PCGF3: variants seen among roughly 807,000 people sequenced by gnomAD.
PCGF3 encodes polycomb group RING finger protein 3.
In PCGF3, 7 loss-of-function variants were observed where a neutral mutation model predicts 33.1. The observed-to-expected ratio is 0.21, with a 90% CI of 0.12 to 0.40. PCGF3 has a LOEUF of 0.40. PCGF3 is among the 10% of genes least tolerant of loss of function. The probability of loss-of-function intolerance (pLI) is 1.00; values close to 1 mark genes in which losing one functional copy is unlikely to be tolerated. For synonymous variants in PCGF3, 153 were observed against 121.3 expected, an observed-to-expected ratio of 1.26 and a Z score of -1.72; for missense variants, 211 against 313.3, an observed-to-expected ratio of 0.67 and a Z score of 2.46.
intron 8 of PCGF3, among the ~76,000 whole-genome samples, chr4:756,138 C>T (rs192887279): frequency 2.5e-4 from 38 of 151,444 alleles, no homozygotes; most frequent in African/African-American, 8.7e-4. Context: ...TGGTCTTGAA[C>T]TCTTAACCTC....
At position 744,345 on chromosome 4, in the gene PCGF3, C is replaced by T. The variant is rs540027465; in HGVS notation, c.374-255C>T. ...TGCGGAGCGTGTCTGTGTCCCACGC[C>T]GGCTCCGGCTGCCCCGTCTCTGTCT... On this transcript the variant is annotated intron_variant, in intron 7 of 10. Coordinates refer to ENST00000362003, the Ensembl canonical transcript of PCGF3. 6.6e-5 allele frequency among the ~76,000 whole-genome samples: 10 copies of T among 152,352 alleles called. No individual in the cohort carries two copies. In the East Asian group the frequency reaches 1.9e-3, roughly 29 times the overall value.
rs566149050 is a variant in PCGF3, at chr4:711,159, C to T, written c.-190+5189C>T. Among the ~76,000 whole-genome samples, 5 of 152,328 alleles carry T rather than the reference C, an allele frequency of 3.3e-5. No individual in the cohort carries two copies. In the South Asian group the frequency reaches 1.0e-3, roughly 32 times the overall value. On this transcript the variant is annotated intron_variant, in intron 1 of 10. Transcript: ENST00000362003. ...TTCCGGTTCTGGGCTGGAGCTAGGGCCGGGAAGGGGGCCTGTTCTGGACTC... is the reference window on the plus strand; with the variant it reads ...TTCCGGTTCTGGGCTGGAGCTAGGGTCGGGAAGGGGGCCTGTTCTGGACTC...
rs1745367924 is a variant in PCGF3, at chr4:766,268, A to C, written c.*189A>C. 4 of 575,228 alleles carry C rather than the reference A, an allele frequency of 7.0e-6. No individual in the cohort carries two copies. The South Asian group carries it at 8.2e-5, about 12-fold the overall frequency. 35.6% of individuals were successfully genotyped at this position (575,228 alleles called of 1,614,324 possible). A position where few individuals can be genotyped will look rare whatever the true frequency, so the allele number is the denominator to read the frequency against. Reference sequence around the variant, plus strand: ...CAGCACCACGTTTACAGAGGATGAAAACACTTCACAGTCTCCCAGAGCCGA... The same window carrying C: ...CAGCACCACGTTTACAGAGGATGAACACACTTCACAGTCTCCCAGAGCCGA... On this transcript the variant is annotated 3_prime_UTR_variant, in exon 11 of 11. Coordinates refer to ENST00000362003, the Ensembl canonical transcript of PCGF3.
intron 1 of PCGF3, among the ~76,000 whole-genome samples, chr4:728,943 T>C (rs1743437570): frequency 6.6e-6 from 1 of 151,380 alleles, no homozygotes; most frequent in African/African-American, 2.4e-5. Flanking sequence ...CTACTAAAAA[T>C]ATAAAAGTTA....
At chr4:712,516 C>T (rs969254601) in intron 1 of PCGF3, among the ~76,000 whole-genome samples, 16 of 152,198 alleles carry the variant, frequency 1.1e-4, no homozygotes, top group African/African-American at 3.1e-4. Context: ...GGCGCGATCT[C>T]GGCTCACTGC....
In PCGF3 at chr4:743,346, C is replaced by T; in HGVS notation, c.263-128C>T. The T allele has an allele frequency of 4.7e-6, 3 of 632,418 alleles. No homozygotes were observed. In the South Asian group the frequency reaches 5.7e-5, roughly 12 times the overall value. The allele number at this position is 632,418 out of a possible 1,614,324, so 39.2% of individuals were successfully genotyped here. ...AAAACATCTCAGTCTTAATTTGCTG[C>T]TTTCTTATTAGTAGCCTTCAAACTT... On this transcript the variant is annotated intron_variant, in intron 6 of 10. Transcript: ENST00000362003.
At chr4:739,170 T>G (rs775637770) in intron 6 of PCGF3, among the ~76,000 whole-genome samples, 5 of 152,226 alleles carry the variant, frequency 3.3e-5, no homozygotes, top group Non-Finnish European at 7.3e-5. Context: ...ACATTTCTAG[T>G]TGTCTCATAA....
At chr4:723,088 C>A (rs117721648) in intron 1 of PCGF3, among the ~76,000 whole-genome samples, 5,833 of 149,804 alleles carry the variant, frequency 0.039, 122 homozygotes, top group East Asian at 0.085. Flanking sequence ...CATCGCCCAC[C>A]CGCGCCGGGT....
chr4:726,993 G>A (rs948914295), intron 1 of PCGF3, among the ~76,000 whole-genome samples: 1 of 152,156 alleles, frequency 6.6e-6, no homozygotes, highest in African/African-American at 2.4e-5. Flanking sequence ...GAATTGAGTG[G>A]CGTGTGGGAA....
At chr4:743,057 C>A (rs1282327178) in intron 6 of PCGF3, among the ~76,000 whole-genome samples, 1 of 152,234 alleles carries the variant, frequency 6.6e-6, no homozygotes, top group Non-Finnish European at 1.5e-5. Context: ...TCCAGGCAGT[C>A]CACTGGCTCA....
chr4:716,588 G>A (rs1292283639), intron 1 of PCGF3, among the ~76,000 whole-genome samples: 18 of 131,092 alleles, frequency 1.4e-4, no homozygotes, highest in Admixed American at 1.3e-3. Context: ...CTGGGACCCT[G>A]TAGACACTGA....
intron 8 of PCGF3, among the ~76,000 whole-genome samples, chr4:760,246 C>A (rs776677393): frequency 3.9e-5 from 6 of 152,168 alleles, no homozygotes; most frequent in Non-Finnish European, 7.3e-5. Context: ...GTCACTGTTT[C>A]TTAACACTTC....
At chr4:743,909 GTAA>G (rs1414321983) in intron 7 of PCGF3, 1 of 235,082 alleles carries the variant, frequency 4.3e-6, no homozygotes, top group Non-Finnish European at 8.4e-6. Flanking sequence ...TTGCTTTACT[GTAA>G]AATGGCAAAA....
chr4:708,566 G>A lies in PCGF3; in HGVS notation c.-190+2596G>A, dbSNP rs188854130. ...GGTAGGTATGAGGCAGGGGCCTCAG[G>A]GTTCCAGGAGCTCCCAGCCCACAGG... On this transcript the variant is annotated intron_variant, in intron 1 of 10. Transcript: ENST00000362003. 5.6e-3 allele frequency among the ~76,000 whole-genome samples: 853 copies of A among 152,286 alleles called. 8 individuals carry two copies. The highest frequency in any genetic ancestry group is 6.4e-3 in the Non-Finnish European group (433 of 68,014).
At position 734,129 on chromosome 4, in the gene PCGF3, A is replaced by AG. The variant is rs570076142; in HGVS notation, c.109+344dup. On this transcript the variant is annotated intron_variant, in intron 4 of 10. Coordinates refer to ENST00000362003, the Ensembl canonical transcript of PCGF3. Reference sequence around the variant, plus strand: ...CAGAGGAGTTCCTTAGATCCTTCAAAGGGGAACCTTCCAGTGTGTTCTTCA... The same window carrying AG: ...CAGAGGAGTTCCTTAGATCCTTCAAAGGGGGAACCTTCCAGTGTGTTCTTCA... 46 of 1,550,676 alleles carry AG rather than the reference A, an allele frequency of 3.0e-5. 1 individual carries two copies. In the East Asian group the frequency reaches 6.1e-4, roughly 21 times the overall value.
chr4:750,402 G>A (rs62294060), intron 8 of PCGF3, among the ~76,000 whole-genome samples: 12,065 of 152,094 alleles, frequency 0.079, 522 homozygotes, highest in South Asian at 0.14. Context: ...ATTTTCCAGG[G>A]GTCCTGGGGT....
At chr4:734,670 C>G (rs1743755976) in intron 4 of PCGF3, 1 of 1,299,600 alleles carries the variant, frequency 7.7e-7, no homozygotes, top group Non-Finnish European at 9.8e-7. Flanking sequence ...ATCATCTCCC[C>G]ATTCTAAGTT....
intron 9 of PCGF3, 42 bp downstream of exon 9, chr4:761,458 C>T (rs374315032): frequency 1.5e-5 from 23 of 1,523,470 alleles, no homozygotes; most frequent in Non-Finnish European, 1.9e-5. Context: ...CAAGTCCTCT[C>T]TTATTTCTAA....
At chr4:731,439 C>T (rs1038716834) in intron 3 of PCGF3, 81 of 343,256 alleles carry the variant, frequency 2.4e-4, no homozygotes, top group African/African-American at 1.6e-3. Context: ...GTGAGGCGGT[C>T]GGCTAGCATC....
Sources: gnomAD v4.1 joint callset for allele counts (sites outside exome capture counted in the v4.1 genomes callset) on GRCh38, gnomAD v4.1.1 for gene constraint, MANE v1.5 for transcripts, NCBI Gene and HGNC (gene_info 2026-07-23, HGNC 2026-07-21) for gene names.